Variants in PKHD1 observed in about 807,000 individuals in gnomAD.
The protein encoded by PKHD1 is fibrocystin.
PKHD1 carries 291 observed loss-of-function variants against 412.0 expected under a neutral mutation model. The observed-to-expected ratio is 0.71, with a 90% CI of 0.64 to 0.78. The LOEUF (loss-of-function observed/expected upper bound fraction) is 0.78, where lower values mean the gene tolerates loss of function less well. Among genes scored for constraint, PKHD1 ranks in the 30% least tolerant of loss-of-function variants. PKHD1 has a pLI of 0.00. For missense variants in PKHD1, 4,825 were observed against 4,950.7 expected, an observed-to-expected ratio of 0.97 and a Z score of 0.76; for synonymous variants, 1,777 against 1,821.5, an observed-to-expected ratio of 0.98 and a Z score of 0.62.
chr6:51,867,804 G>A (rs1477488247), intron 48 of PKHD1, 59 bp downstream of exon 48: 4 of 1,501,828 alleles, frequency 2.7e-6, no homozygotes, highest in East Asian at 4.5e-5. Context: ...AGCCTCGACA[G>A]CCAGAATAAC....
chr6:51,978,899 C>T (rs1794789008), intron 35 of PKHD1, among the ~76,000 whole-genome samples: 1 of 152,208 alleles, frequency 6.6e-6, no homozygotes, highest in Non-Finnish European at 1.5e-5. Context: ...CTCTCCTAAA[C>T]TCTAAATGGA....
intron 53 of PKHD1, among the ~76,000 whole-genome samples, chr6:51,789,353 A>G (rs2151247425): frequency 6.6e-6 from 1 of 152,326 alleles, no homozygotes; most frequent in African/African-American, 2.4e-5. Flanking sequence ...TACAAGGACA[A>G]AAATCTGAAA....
At chr6:52,048,670 TAGG>T in intron 22 of PKHD1, 51 bp from the exon 23 acceptor site, 2 of 1,609,514 alleles carry the variant, frequency 1.2e-6, no homozygotes, top group Non-Finnish European at 1.7e-6. Context: ...GGTGTGCACC[TAGG>T]AGGACCTTGT....
At chr6:52,074,832 A>G (rs1160672081) in intron 6 of PKHD1, among the ~76,000 whole-genome samples, 1 of 152,212 alleles carries the variant, frequency 6.6e-6, no homozygotes, top group South Asian at 2.1e-4. Context: ...GTGATTACAA[A>G]GATGCAGTCG....
chr6:51,681,461 G>A lies in PKHD1; in HGVS notation c.10157-21492C>T, dbSNP rs556829041. ...AAAGTCTGTTTTTCTGAGTTAAAGA[G>A]AACACTGAAGGGAATAGATGAACTT... On this transcript the variant is annotated intron_variant, in intron 60 of 66. Coordinates refer to ENST00000371117, the MANE Select transcript of PKHD1 (RefSeq NM_138694.4). Among the ~76,000 whole-genome samples, 5 of 152,056 alleles carry A rather than the reference G, an allele frequency of 3.3e-5. No homozygotes were observed. In the South Asian group the frequency reaches 1.0e-3, roughly 32 times the overall value.
At chr6:51,715,650 T>G (rs2150787560) in intron 60 of PKHD1, among the ~76,000 whole-genome samples, 1 of 152,318 alleles carries the variant, frequency 6.6e-6, no homozygotes, top group South Asian at 2.1e-4. Flanking sequence ...TTCATGTCAT[T>G]TACTCAACAA....
chr6:51,789,593 CTT>C (rs1250257434), intron 53 of PKHD1, among the ~76,000 whole-genome samples: 1 of 151,748 alleles, frequency 6.6e-6, no homozygotes, highest in Non-Finnish European at 1.5e-5. Context: ...AAAAAAATGA[CTT>C]TGAGATAAAA....
rs542889101 is a variant in PKHD1, at chr6:51,985,431, T to C, written c.5751+24878A>G. ...CGAAAAATTTAAGAGGAATGAATGT[T>C]ATAAAAAAGAAAGCAGGCCGAGCGC... is the stretch of plus-strand genomic sequence containing the variant. On this transcript the variant is annotated intron_variant, in intron 35 of 66. Transcript: ENST00000371117. Among the ~76,000 whole-genome samples, 4 of 152,282 alleles carry C rather than the reference T, an allele frequency of 2.6e-5. No individual in the cohort carries two copies. In the South Asian group the frequency reaches 6.2e-4, roughly 24 times the overall value.
At chr6:51,759,298 T>C (rs770777771) in intron 55 of PKHD1, among the ~76,000 whole-genome samples, 2 of 152,138 alleles carry the variant, frequency 1.3e-5, no homozygotes, top group East Asian at 1.9e-4. Flanking sequence ...TCACACCTCA[T>C]CTGAGAACTG....
chr6:51,803,419 A>G (rs1369317795), intron 52 of PKHD1, among the ~76,000 whole-genome samples: 1 of 152,166 alleles, frequency 6.6e-6, no homozygotes, highest in Non-Finnish European at 1.5e-5. Flanking sequence ...TAACAATAAT[A>G]TCTGGATTCT....
chr6:51,971,003 G>C (rs996715566), intron 35 of PKHD1, among the ~76,000 whole-genome samples: 19 of 152,162 alleles, frequency 1.2e-4, no homozygotes, highest in Admixed American at 1.2e-3. Context: ...TTGACATTTT[G>C]ATAGTAATTC....
At chr6:52,072,584 A>AC (rs1488921950) in intron 7 of PKHD1, among the ~76,000 whole-genome samples, 2 of 152,078 alleles carry the variant, frequency 1.3e-5, no homozygotes, top group Admixed American at 6.6e-5. Context: ...AGGAGTTTCT[A>AC]CCCCCCACAA....
chr6:52,038,209 G>T (rs1173714784), intron 27 of PKHD1, among the ~76,000 whole-genome samples: 1 of 151,992 alleles, frequency 6.6e-6, no homozygotes, highest in Admixed American at 6.6e-5. Context: ...GTGAAACCCT[G>T]TCTCTACTAA....
At chr6:51,873,005 G>A (rs758368567) in intron 46 of PKHD1, among the ~76,000 whole-genome samples, 1 of 149,220 alleles carries the variant, frequency 6.7e-6, no homozygotes, top group African/African-American at 2.5e-5. Flanking sequence ...CAGACATGAA[G>A]GAAATCTCCA....
In PKHD1 at chr6:52,011,747, A is replaced by G. The variant is rs188108311; in HGVS notation, c.5601-1288T>C. Among the ~76,000 whole-genome samples the G allele has an allele frequency of 3.2e-3, 493 of 152,348 alleles. 2 individuals are homozygous for G. Among genetic ancestry groups the G allele is most frequent in the African/African-American group, 0.011 (463 of 41,582 alleles). Reference sequence around the variant, plus strand: ...CTCACCACTTAATCTTCGCTTCTTCATGCTAAAATATTCTCCACTCTGTAT... The same window carrying G: ...CTCACCACTTAATCTTCGCTTCTTCGTGCTAAAATATTCTCCACTCTGTAT... On this transcript the variant is annotated intron_variant, in intron 34 of 66. Coordinates refer to ENST00000371117, the MANE Select transcript of PKHD1 (RefSeq NM_138694.4).
chr6:51,839,000 G>A (rs994245341), intron 50 of PKHD1, among the ~76,000 whole-genome samples: 1 of 152,142 alleles, frequency 6.6e-6, no homozygotes, highest in African/African-American at 2.4e-5. Context: ...ATGATTCCAG[G>A]TGCCAGTCAA....
At chr6:51,806,688 G>GTCT (rs1296668534) in intron 52 of PKHD1, among the ~76,000 whole-genome samples, 37 of 112,592 alleles carry the variant, frequency 3.3e-4, no homozygotes, top group Non-Finnish European at 6.4e-4. Flanking sequence ...TCTAAAAATA[G>GTCT]ATGAGGGTTT....
chr6:51,638,050 TTTA>T (rs1768815645), intron 64 of PKHD1, among the ~76,000 whole-genome samples: 1 of 152,250 alleles, frequency 6.6e-6, no homozygotes, highest in Admixed American at 6.5e-5. Flanking sequence ...TCACTTACTA[TTTA>T]TTATTTATTT....
intron 6 of PKHD1, among the ~76,000 whole-genome samples, chr6:52,074,791 C>T (rs1050324115): frequency 1.3e-5 from 2 of 152,142 alleles, no homozygotes; most frequent in Non-Finnish European, 2.9e-5. Context: ...GGGCAGGCTT[C>T]CCAAATGAAA....
Sources: allele counts gnomAD v4.1 joint callset (sites outside exome capture counted in the v4.1 genomes callset), GRCh38; gene constraint gnomAD v4.1.1; transcripts MANE v1.5; gene names NCBI Gene and HGNC (gene_info 2026-07-23, HGNC 2026-07-21).